The following POTEF variants were observed in gnomAD, a reference collection of about 807,000 sequenced individuals.
POTEF encodes the protein ANKRD26-like family C member 1B.
In POTEF, 20 loss-of-function variants were observed where a neutral mutation model predicts 83.2. The observed-to-expected ratio is 0.24, with a 90% confidence interval of 0.17 to 0.35. The LOEUF is 0.35. Ranked by LOEUF, POTEF falls within the 10% of genes least tolerant of loss-of-function variation. The probability of loss-of-function intolerance (pLI) is 1.00; values close to 1 mark genes in which losing one functional copy is unlikely to be tolerated. For missense variants in POTEF, 550 were observed against 1,203.2 expected (o/e 0.46, Z 8.03); for synonymous variants, 196 against 446.4 (o/e 0.44, Z 7.07).
Position 130,074,051 on chromosome 2 carries a change from C to T in POTEF, c.*193G>A. 3.3e-6 allele frequency: 3 copies of T among 908,558 alleles called. No individual in the cohort carries two copies. The highest frequency in any genetic ancestry group is 5.0e-6 in the Non-Finnish European group (3 of 605,028). The allele number at this position is 908,558 out of a possible 1,614,324, so 56.3% of individuals were successfully genotyped here. A position where few individuals can be genotyped will look rare whatever the true frequency, so the allele number is the denominator to read the frequency against. On this transcript the variant is annotated 3_prime_UTR_variant, in exon 17 of 17. Coordinates refer to ENST00000409914, the MANE Select transcript of POTEF (RefSeq NM_001099771.2). ...CAAAGTCCTTGGCCACATTGTAGAA[C>T]TTTGGAGGAAGCTTCCTCCAACCGA...
chr2:130,127,516 T>C (rs1685126821), intron 2 of POTEF, among the ~76,000 whole-genome samples, 193 bp downstream of exon 2: 1 of 150,604 alleles, frequency 6.6e-6, no homozygotes, highest in African/African-American at 2.5e-5. Flanking sequence ...AGGCCCATGG[T>C]ACAGCACCAG....
chr2:130,104,551 T>A (rs958197730), intron 8 of POTEF, among the ~76,000 whole-genome samples: 12 of 151,266 alleles, frequency 7.9e-5, no homozygotes, highest in Non-Finnish European at 1.8e-4. Context: ...GGGGAAAAAA[T>A]CAAAGTGTAT....
chr2:130,115,903 C>G (rs954544152), intron 3 of POTEF, among the ~76,000 whole-genome samples: 1 of 152,028 alleles, frequency 6.6e-6, no homozygotes, highest in African/African-American at 2.4e-5. Flanking sequence ...GTTGTCTCCA[C>G]TGAAATACCA....
In POTEF at chr2:130,112,060, T is replaced by G; in HGVS notation, c.852A>C (p.Lys284Asn). The G allele has an allele frequency of 7.0e-7, 1 of 1,421,434 alleles. No individual in the cohort carries two copies. The highest frequency in any genetic ancestry group is 1.2e-5 in the South Asian group (1 of 83,958). 88.1% of individuals were successfully genotyped at this position (1,421,434 alleles called of 1,614,324 possible). The change falls in exon 6 of 17, where the codon AAA (lysine) becomes AAC (asparagine). Residue 284 changes from lysine to asparagine, a missense_variant. Coordinates refer to ENST00000409914, the MANE Select transcript of POTEF (RefSeq NM_001099771.2). Reference sequence around the variant, plus strand: ...TAATTAAAAATTTCACGACTTGCTGTTTTTGCTCATGTACACCAAGTAACA... The same window carrying G: ...TAATTAAAAATTTCACGACTTGCTGGTTTTGCTCATGTACACCAAGTAACA... The part of the protein sequence containing the change: ...TPLLLGVHEQ[K>N]QQVVKFLIKK...
rs1573590927 is a variant in POTEF at position 130,078,171 on chromosome 2, A to G, written c.1779-970T>C. Reference sequence around the variant, plus strand: ...AGGAAGTCAAACTATCTCTTCACCAATGATATTATCCCATACCTAGAAAAC... The same window carrying G: ...AGGAAGTCAAACTATCTCTTCACCAGTGATATTATCCCATACCTAGAAAAC... On this transcript the variant is annotated intron_variant, in intron 15 of 16. Coordinates refer to ENST00000409914, the MANE Select transcript of POTEF (RefSeq NM_001099771.2). Among the ~76,000 whole-genome samples, 2 of 90,344 alleles carry G rather than the reference A, an allele frequency of 2.2e-5. 1 individual carries two copies. The highest frequency in any genetic ancestry group is 8.7e-5 in the African/African-American group (2 of 23,050). 59.3% of individuals were successfully genotyped at this position (90,344 alleles called of 152,430 possible).
In POTEF at chr2:130,112,014, C is replaced by G; in HGVS notation, c.898G>C (p.Ala300Pro). ...FLIKKKANLN[A>P]LDRYGRTALI... is the part of the protein sequence containing the mutation. ...CTATACCTTCCATATCTATCCAGTG[C>G]ATTTAAATTCGCTTTTTTCTTAATT... The change falls in exon 6 of 17, where the codon GCA becomes CCA. Residue 300 changes from alanine (A) to proline (P), a missense_variant. Ala to Pro is a conservative substitution (Grantham distance 27). Coordinates refer to ENST00000409914, the MANE Select transcript of POTEF (RefSeq NM_001099771.2). 6.8e-7 allele frequency: 1 copy of G among 1,478,888 alleles called. No individual in the cohort carries two copies. Among genetic ancestry groups the G allele is most frequent in the South Asian group, 1.2e-5 (1 of 84,954 alleles). 91.6% of individuals were successfully genotyped at this position (1,478,888 alleles called of 1,614,324 possible). A position where few individuals can be genotyped will look rare whatever the true frequency, so the allele number is the denominator to read the frequency against.
At chr2:130,109,911 AGG>A (rs1684661591) in intron 7 of POTEF, among the ~76,000 whole-genome samples, 1 of 151,340 alleles carries the variant, frequency 6.6e-6, no homozygotes, top group Non-Finnish European at 1.5e-5. Flanking sequence ...ATATAAGCAT[AGG>A]TATGGGAATT....
chr2:130,103,715 G>A (rs1350902267), intron 8 of POTEF, among the ~76,000 whole-genome samples: 1 of 149,778 alleles, frequency 6.7e-6, no homozygotes, highest in East Asian at 2.0e-4. Flanking sequence ...GGCTTTTCTA[G>A]AAAACATGCC....
At chr2:130,101,639 C>T (rs1409909546) in intron 9 of POTEF, among the ~76,000 whole-genome samples, 1 of 148,282 alleles carries the variant, frequency 6.7e-6, no homozygotes, top group Non-Finnish European at 1.5e-5. Flanking sequence ...ACTCCTTAAC[C>T]ATGAATCCAG....
chr2:130,122,536 C>G (rs371423176), intron 2 of POTEF, among the ~76,000 whole-genome samples: 1 of 140,872 alleles, frequency 7.1e-6, no homozygotes, highest in East Asian at 2.1e-4. Flanking sequence ...TTTTGTGGTT[C>G]CATTCAGATT....
rs562906194 is a variant in POTEF, at chr2:130,120,589, G to A, written c.-74C>T. The A allele has an allele frequency of 5.2e-5, 83 of 1,599,918 alleles. 2 individuals are homozygous for A. The African/African-American group carries it at 9.1e-4, about 18-fold the overall frequency. On this transcript the variant is annotated 5_prime_UTR_variant, in exon 3 of 17. Transcript: ENST00000409914. ...TACCAACCAGTTTCACCAACTAGCA[G>A]GTAACTCCGGGTTTCCAATCTGTTT...
At position 130,090,844 on chromosome 2, in the gene POTEF, G is replaced by C. The variant is rs1444843940; in HGVS notation, c.1480+2594C>G. Among the ~76,000 whole-genome samples, 3 of 91,624 alleles carry C rather than the reference G, an allele frequency of 3.3e-5. No homozygotes were observed. The East Asian group carries it at 9.6e-4, about 29-fold the overall frequency. The allele number at this position is 91,624 out of a possible 152,430, so 60.1% of individuals were successfully genotyped here. On this transcript the variant is annotated intron_variant, in intron 12 of 16. Transcript: ENST00000409914. ...TGTAATACATTGATGCTACTCCAAG[G>C]ATGTGTGACATGGAAACTATAGCTG...
intron 8 of POTEF, among the ~76,000 whole-genome samples, chr2:130,107,388 G>A (rs1050165105): frequency 2.0e-5 from 3 of 151,072 alleles, no homozygotes; most frequent in South Asian, 2.1e-4. Context: ...TTGTGCTTCA[G>A]TGTTCTTTTG....
At chr2:130,109,295 C>A (rs1411053498) in intron 7 of POTEF, 2 of 143,244 alleles carry the variant, frequency 1.4e-5, no homozygotes, top group Admixed American at 7.1e-5. Flanking sequence ...AGGATATGTG[C>A]CGCCGAAGCA....
intron 3 of POTEF, among the ~76,000 whole-genome samples, chr2:130,118,379 T>C (rs1684898554): frequency 1.3e-5 from 2 of 151,990 alleles, no homozygotes; most frequent in Admixed American, 1.3e-4. Context: ...TTTGCCCAAT[T>C]TTAAAATGAG....
intron 1 of POTEF, 133 bp downstream of exon 1, chr2:130,128,939 G>T (rs567719293): frequency 1.1e-5 from 1 of 87,672 alleles, no homozygotes; most frequent in African/African-American, 5.1e-5. Context: ...CCCCTCCACC[G>T]CCAGCAATGC....
Position 130,075,288 on chromosome 2 carries a change from C to T in POTEF, c.2184G>A (p.Arg728=), listed in dbSNP as rs752749354. The T allele has an allele frequency of 9.9e-6, 16 of 1,612,604 alleles. No homozygotes were observed. Among genetic ancestry groups the T allele is most frequent in the African/African-American group, 1.3e-5 (1 of 74,822 alleles). Residue 728 remains arginine, a synonymous_variant, in exon 17 of 17, where the codon CGG becomes CGA. Coordinates refer to ENST00000409914, the MANE Select transcript of POTEF (RefSeq NM_001099771.2). ...GCCCCACGATGGAAGGGAAGACAGC[C>T]CGGGGGGCATCGTCGCCCGCAAAGC... ...KAGFAGDDAP[R]AVFPSIVGRP...
chr2:130,118,027 A>G (rs1409741404), intron 3 of POTEF, among the ~76,000 whole-genome samples: 2 of 147,824 alleles, frequency 1.4e-5, no homozygotes, highest in African/African-American at 2.5e-5. Context: ...TGCAACCTCC[A>G]CCTCCCTGGT....
chr2:130,128,322 T>C (rs964443427), intron 1 of POTEF, among the ~76,000 whole-genome samples: 2 of 151,718 alleles, frequency 1.3e-5, no homozygotes, highest in Non-Finnish European at 2.9e-5. Context: ...CCTGCCCTGC[T>C]CAAGATTGCA....
Sources: allele counts gnomAD v4.1 joint callset (sites outside exome capture counted in the v4.1 genomes callset), GRCh38; gene constraint gnomAD v4.1.1; transcripts MANE v1.5; gene names NCBI Gene and HGNC (gene_info 2026-07-23, HGNC 2026-07-21).